The following KCND2 variants were observed in gnomAD, a reference collection of about 807,000 sequenced individuals.
KCND2 encodes potassium voltage-gated channel subfamily D member 2.
In KCND2, 16 loss-of-function variants were observed where a neutral mutation model predicts 54.4. The ratio of observed to expected loss-of-function variants is 0.29; its 90% confidence interval spans 0.20 to 0.45. The LOEUF (loss-of-function observed/expected upper bound fraction) is 0.45, where lower values mean the gene tolerates loss of function less well. KCND2 is among the 20% of genes least tolerant of loss of function. The pLI is 1.00. For synonymous variants in KCND2, 317 were observed against 310.7 expected (o/e 1.02, Z -0.21); for missense variants, 486 against 824.2 (o/e 0.59, Z 5.02).
rs192484361 is a variant in KCND2 at position 120,558,729 on chromosome 7, G to A, written c.1116-174174G>A. The stretch of plus-strand genomic sequence containing the variant: ...TGATGAATTTGTCCTTTATAGGTGG[G>A]ATAATTTGGGCCTTAAATTCCTGTG... On this transcript the variant is annotated intron_variant, in intron 1 of 5. Transcript: ENST00000331113. 4.4e-3 allele frequency among the ~76,000 whole-genome samples: 666 copies of A among 152,196 alleles called. 4 individuals are homozygous for A. The highest frequency in any genetic ancestry group is 5.0e-3 in the Non-Finnish European group (337 of 67,982).
intron 1 of KCND2, among the ~76,000 whole-genome samples, chr7:120,318,383 A>G (rs995043914): frequency 1.3e-5 from 2 of 152,136 alleles, no homozygotes; most frequent in African/African-American, 4.8e-5. Flanking sequence ...TTCAGAAATA[A>G]TGTCAAATAC....
intron 1 of KCND2, among the ~76,000 whole-genome samples, chr7:120,554,786 A>G (rs1164743895): frequency 1.3e-5 from 2 of 152,170 alleles, no homozygotes; most frequent in East Asian, 3.9e-4. Context: ...GAAGCTCTGG[A>G]TTAGAGAAAA....
chr7:120,627,507 G>A (rs1314001330), intron 1 of KCND2, among the ~76,000 whole-genome samples: 2 of 151,886 alleles, frequency 1.3e-5, no homozygotes, highest in South Asian at 4.2e-4. Flanking sequence ...TCCTATTTTG[G>A]AAAGTAAAGT....
At chr7:120,582,307 C>T (rs896731575) in intron 1 of KCND2, among the ~76,000 whole-genome samples, 1 of 152,134 alleles carries the variant, frequency 6.6e-6, no homozygotes, top group African/African-American at 2.4e-5. Flanking sequence ...CCATTTTCCT[C>T]CTTTCTAGCA....
rs1200276294 is a variant in KCND2, at chr7:120,742,582, C to T, written c.1447C>T (p.His483Tyr). ...SFETQHHHLLHCLEKTTNHEF... is the reference protein window; with the variant it reads ...SFETQHHHLLYCLEKTTNHEF... The stretch of plus-strand genomic sequence containing the variant: ...TGAAACCCAGCACCACCACCTGCTT[C>T]ACTGCCTGGAAAAAACCACGGTAAG... The change falls in exon 4 of 6, where the codon CAC becomes TAC. Residue 483 changes from histidine to tyrosine, a missense_variant. Around this residue, in one of 7 missense-constraint regions of KCND2, gnomAD observed 202 missense variants for 252.7 expected, o/e 0.80. Coordinates refer to ENST00000331113, the MANE Select transcript of KCND2 (RefSeq NM_012281.3). 1 of 1,613,372 alleles carries T rather than the reference C, an allele frequency of 6.2e-7. No individual in the cohort carries two copies. The highest frequency in any genetic ancestry group is 8.5e-7 in the Non-Finnish European group (1 of 1,179,564).
chr7:120,391,665 C>A (rs1801079572), intron 1 of KCND2, among the ~76,000 whole-genome samples: 1 of 151,030 alleles, frequency 6.6e-6, no homozygotes, highest in Non-Finnish European at 1.5e-5. Flanking sequence ...CTCTAATGAC[C>A]AGTGATGATG....
At chr7:120,545,697 A>G (rs1792034184) in intron 1 of KCND2, among the ~76,000 whole-genome samples, 1 of 151,876 alleles carries the variant, frequency 6.6e-6, no homozygotes, top group South Asian at 2.1e-4. Context: ...GAGAGTTGGT[A>G]GACTACAAAA....
At chr7:120,569,380 C>T (rs1443930362) in intron 1 of KCND2, among the ~76,000 whole-genome samples, 1 of 152,066 alleles carries the variant, frequency 6.6e-6, no homozygotes, top group Non-Finnish European at 1.5e-5. Flanking sequence ...ATTGCGTCTC[C>T]TTACTTACAT....
intron 1 of KCND2, among the ~76,000 whole-genome samples, chr7:120,335,435 CTTTA>C (rs1283666905): frequency 5.2e-4 from 73 of 141,192 alleles, no homozygotes; most frequent in African/African-American, 1.2e-3. Context: ...CCATGGCTTG[CTTTA>C]TTTATTTATT....
chr7:120,587,721 C>A (rs1024701331), intron 1 of KCND2, among the ~76,000 whole-genome samples: 1 of 152,136 alleles, frequency 6.6e-6, no homozygotes, highest in African/African-American at 2.4e-5. Flanking sequence ...TCACAATGAG[C>A]CATTTTCATA....
chr7:120,460,268 A>C (rs1802264618), intron 1 of KCND2, among the ~76,000 whole-genome samples: 1 of 152,170 alleles, frequency 6.6e-6, no homozygotes, highest in Non-Finnish European at 1.5e-5. Flanking sequence ...TTTAATTCAA[A>C]CAACAATATT....
At chr7:120,476,115 A>G (rs1346375184) in intron 1 of KCND2, among the ~76,000 whole-genome samples, 3 of 152,206 alleles carry the variant, frequency 2.0e-5, no homozygotes, top group African/African-American at 7.2e-5. Flanking sequence ...GGTTGCATGC[A>G]CAGAGGGAAA....
intron 1 of KCND2, among the ~76,000 whole-genome samples, chr7:120,621,609 G>T (rs1160123319): frequency 6.6e-6 from 1 of 152,060 alleles, no homozygotes; most frequent in Non-Finnish European, 1.5e-5. Context: ...ATTACAAAAT[G>T]TTTTTAAATA....
chr7:120,314,169 A>G (rs1482305086), intron 1 of KCND2, among the ~76,000 whole-genome samples: 3 of 152,028 alleles, frequency 2.0e-5, no homozygotes, highest in Admixed American at 1.3e-4. Context: ...AAAGAGAAAT[A>G]TTCAGATTCA....
chr7:120,533,626 A>G (rs1169615076), intron 1 of KCND2, among the ~76,000 whole-genome samples: 2 of 152,088 alleles, frequency 1.3e-5, no homozygotes, highest in East Asian at 3.8e-4. Context: ...ATATAACTCT[A>G]TAATGTATGG....
At chr7:120,688,231 C>T (rs1460539947) in intron 1 of KCND2, among the ~76,000 whole-genome samples, 2 of 152,286 alleles carry the variant, frequency 1.3e-5, no homozygotes, top group South Asian at 4.1e-4. Context: ...CAAACTTTTT[C>T]TGTTAAGTAC....
chr7:120,641,540 A>C (rs1235554277), intron 1 of KCND2, among the ~76,000 whole-genome samples: 2 of 152,160 alleles, frequency 1.3e-5, no homozygotes, highest in East Asian at 3.9e-4. Context: ...TTGGACTTCC[A>C]CCTGGGCTTG....
At chr7:120,642,189 A>C (rs562029753) in intron 1 of KCND2, among the ~76,000 whole-genome samples, 16 of 152,248 alleles carry the variant, frequency 1.1e-4, no homozygotes, top group African/African-American at 3.9e-4. Flanking sequence ...ATTGATCTTA[A>C]CCTCAAAGAG....
intron 1 of KCND2, among the ~76,000 whole-genome samples, chr7:120,672,131 C>T (rs1369259377): frequency 2.0e-5 from 3 of 152,042 alleles, no homozygotes; most frequent in Admixed American, 2.0e-4. Context: ...ATATGTTCAA[C>T]CTACTTCTGT....
Sources: gnomAD v4.1 joint callset for allele counts (sites outside exome capture counted in the v4.1 genomes callset) on GRCh38, gnomAD v4.1.1 for gene constraint, gnomAD v4.1.1 regional missense constraint, MANE v1.5 for transcripts, NCBI Gene and HGNC (gene_info 2026-07-23, HGNC 2026-07-21) for gene names.